CACNA1B: variants seen among roughly 807,000 people sequenced by gnomAD.
The protein encoded by CACNA1B is calcium voltage-gated channel subunit alpha1 B.
Under a neutral mutation model 247.2 loss-of-function variants are expected in CACNA1B, and 70 were observed. The observed-to-expected ratio is 0.28, with a 90% CI of 0.23 to 0.35. CACNA1B has a LOEUF of 0.35. Ranked by LOEUF, CACNA1B falls within the 10% of genes least tolerant of loss-of-function variation. CACNA1B has a pLI of 1.00. For synonymous variants in CACNA1B, 1,231 were observed against 1,294.4 expected, an observed-to-expected ratio of 0.95 and a Z score of 1.05; for missense variants, 2,367 against 3,197.4, an observed-to-expected ratio of 0.74 and a Z score of 6.26.
At chr9:137,912,611 G>T (rs1957370612) in intron 3 of CACNA1B, among the ~76,000 whole-genome samples, 1 of 152,262 alleles carries the variant, frequency 6.6e-6, no homozygotes, top group Admixed American at 6.5e-5. Flanking sequence ...GGAGATACTG[G>T]GATATGTTTT....
At position 138,052,164 on chromosome 9, in the gene CACNA1B, C is replaced by G. The variant is rs1490576683; in HGVS notation, c.3783C>G (p.Thr1261=). The G allele has an allele frequency of 6.2e-7, 1 of 1,609,878 alleles. No homozygotes were observed. Among genetic ancestry groups the G allele is most frequent in the African/African-American group, 1.3e-5 (1 of 74,822 alleles). The part of the protein sequence containing the change: ...RVLRVLRPLK[T]IKRLPKLKAV... Reference sequence around the variant, plus strand: ...TTCGTGTCCTGCGGCCCCTCAAGACCATCAAACGGCTGCCCAAGCTCAAGG... The same window carrying G: ...TTCGTGTCCTGCGGCCCCTCAAGACGATCAAACGGCTGCCCAAGCTCAAGG... The change falls in exon 25 of 47, where the codon ACC becomes ACG. Residue 1261 remains threonine, a synonymous_variant. Coordinates refer to ENST00000371372, the MANE Select transcript of CACNA1B (RefSeq NM_000718.4). The surrounding 1 kb of genome is among the most constrained non-coding windows in gnomAD (Gnocchi z 5.1).
chr9:138,119,195 C>A (rs1460952126), intron 44 of CACNA1B, among the ~76,000 whole-genome samples: 2 of 152,136 alleles, frequency 1.3e-5, no homozygotes, highest in Non-Finnish European at 2.9e-5. Flanking sequence ...CTGCGGAGGA[C>A]CCTCCCTGCT....
intron 3 of CACNA1B, among the ~76,000 whole-genome samples, chr9:137,886,522 T>C (rs909528134): frequency 4.0e-5 from 6 of 151,142 alleles, no homozygotes; most frequent in Admixed American, 6.6e-5. Context: ...TCAGTGTTCA[T>C]GGAGCCTCTG....
Position 138,052,802 on chromosome 9 carries a change from G to A in CACNA1B, c.3807+614G>A, listed in dbSNP as rs1343702308. 6.6e-6 allele frequency among the ~76,000 whole-genome samples: 1 copy of A among 152,224 alleles called. No homozygotes were observed. Among genetic ancestry groups the A allele is most frequent in the Non-Finnish European group, 1.5e-5 (1 of 68,046 alleles). On this transcript the variant is annotated intron_variant, in intron 25 of 46. Transcript: ENST00000371372. The surrounding 1 kb of genome is among the most constrained non-coding windows in gnomAD (Gnocchi z 5.1). ...AGTGGGCTGGCAGGCAGCTGGGGAA[G>A]GCGTCGGAGGCCCACTGGGTCCAGG...
At chr9:138,109,972 T>G (rs962837223) in intron 39 of CACNA1B, among the ~76,000 whole-genome samples, 3 of 152,062 alleles carry the variant, frequency 2.0e-5, no homozygotes, top group Admixed American at 6.6e-5. Context: ...GAAAATTGCT[T>G]GAACCTGGGA....
At chr9:138,113,467 C>T (rs1432253664) in intron 40 of CACNA1B, among the ~76,000 whole-genome samples, 5 of 150,672 alleles carry the variant, frequency 3.3e-5, no homozygotes, top group Admixed American at 6.6e-5. Flanking sequence ...TGAGGGAGCG[C>T]GAGGAGGTGC....
At chr9:138,048,623 A>C (rs1474354023) in intron 23 of CACNA1B, among the ~76,000 whole-genome samples, 3 of 152,200 alleles carry the variant, frequency 2.0e-5, no homozygotes, top group South Asian at 2.1e-4. Context: ...GTGTGCACTC[A>C]GCCACACTGA....
At chr9:138,004,456 G>A (rs1233855970) in intron 15 of CACNA1B, among the ~76,000 whole-genome samples, 1 of 151,272 alleles carries the variant, frequency 6.6e-6, no homozygotes, top group East Asian at 2.0e-4. Context: ...AGGCTGAGGT[G>A]TGAGGATTGA....
intron 3 of CACNA1B, among the ~76,000 whole-genome samples, chr9:137,902,954 G>C (rs1020708340): frequency 2.0e-5 from 3 of 152,234 alleles, no homozygotes; most frequent in Non-Finnish European, 4.4e-5. Context: ...GATTCCTCTT[G>C]TCAAGCATTT....
At chr9:137,934,110 C>CT (rs1199911731) in intron 6 of CACNA1B, among the ~76,000 whole-genome samples, 5 of 152,290 alleles carry the variant, frequency 3.3e-5, no homozygotes, top group Non-Finnish European at 7.4e-5. Flanking sequence ...GCAACAAAGA[C>CT]ACCAAGGAAA....
Position 138,045,898 on chromosome 9 carries a change from G to A in CACNA1B, c.3414-1006G>A, listed in dbSNP as rs191689182. 1.8e-3 allele frequency among the ~76,000 whole-genome samples: 270 copies of A among 152,258 alleles called. 1 individual carries two copies. Among genetic ancestry groups the A allele is most frequent in the African/African-American group, 5.6e-3 (233 of 41,552 alleles). On this transcript the variant is annotated intron_variant, in intron 21 of 46. Transcript: ENST00000371372. ...TAAGATGAATGGCCCTTGGGGGTTC[G>A]CAGGTGTGGGTGAGAGGAAGAGCTT...
chr9:137,901,128 CTGTG>C (rs1456004478), intron 3 of CACNA1B, among the ~76,000 whole-genome samples: 24 of 148,874 alleles, frequency 1.6e-4, no homozygotes, highest in Admixed American at 1.5e-3. Context: ...TGTGTCTGTG[CTGTG>C]TGTCTCTGTG....
At chr9:138,061,272 G>T (rs1008131713) in intron 31 of CACNA1B, among the ~76,000 whole-genome samples, 7 of 152,284 alleles carry the variant, frequency 4.6e-5, no homozygotes, top group African/African-American at 1.7e-4. Context: ...GGCCACCATG[G>T]CTTTGGTGTT....
intron 3 of CACNA1B, among the ~76,000 whole-genome samples, chr9:137,886,681 C>T (rs1283389325): frequency 1.6e-4 from 24 of 151,132 alleles, no homozygotes; most frequent in Non-Finnish European, 2.8e-4. Context: ...GAGCAGTCGG[C>T]GGGTGGACGG....
chr9:138,020,683 C>G lies in CACNA1B; in HGVS notation c.2268-2328C>G, dbSNP rs369335700. The stretch of plus-strand genomic sequence containing the variant: ...TGGGGCTGCGGGGGGCGGGCAGGTG[C>G]CCTAGCGTAGGCTGCTCAGCATGTT... On this transcript the variant is annotated intron_variant, in intron 18 of 46. Transcript: ENST00000371372. The surrounding 1 kb of genome is among the most constrained non-coding windows in gnomAD (Gnocchi z 4.1). Among the ~76,000 whole-genome samples, 3 of 152,114 alleles carry G rather than the reference C, an allele frequency of 2.0e-5. No individual in the cohort carries two copies. Among genetic ancestry groups the G allele is most frequent in the Non-Finnish European group, 4.4e-5 (3 of 68,002 alleles).
In CACNA1B at chr9:138,012,958, GTCGTGGGGGGCCACAT is replaced by G. The variant is rs1958743473; in HGVS notation, c.2161-168_2161-153del. ...ACCAGAGACAGCTCCTGTGGAACAG[GTCGTGGGGGGCCACAT>G]TCACTCAGGGGTTGGCTGCCTGTCT... On this transcript the variant is annotated intron_variant, in intron 17 of 46. Coordinates refer to ENST00000371372, the MANE Select transcript of CACNA1B (RefSeq NM_000718.4). The surrounding 1 kb of genome is among the most constrained non-coding windows in gnomAD (Gnocchi z 4.2). Among the ~76,000 whole-genome samples, 1 of 152,114 alleles carries G rather than the reference GTCGTGGGGGGCCACAT, an allele frequency of 6.6e-6. No homozygotes were observed. The highest frequency in any genetic ancestry group is 1.5e-5 in the Non-Finnish European group (1 of 68,030).
intron 20 of CACNA1B, chr9:138,040,431 A>T (rs1052683503): frequency 3.2e-5 from 5 of 155,768 alleles, no homozygotes; most frequent in Admixed American, 1.9e-4. Flanking sequence ...TCTTAGAGAG[A>T]CAGAACTAAT....
chr9:138,050,355 G>A lies in CACNA1B; in HGVS notation c.3710+1040G>A, dbSNP rs1261696327. 6.6e-6 allele frequency among the ~76,000 whole-genome samples: 1 copy of A among 152,160 alleles called. No individual in the cohort carries two copies. The highest frequency in any genetic ancestry group is 2.4e-5 in the African/African-American group (1 of 41,446). ...TCACCAGCGAGGGCTGGAGGCTGGG[G>A]CCATTGGCCTGGAGGGCAGCAAGGG... On this transcript the variant is annotated intron_variant, in intron 24 of 46. Transcript: ENST00000371372. The surrounding 1 kb of genome is among the most constrained non-coding windows in gnomAD (Gnocchi z 5.2).
rs1407482102 is a variant in CACNA1B at position 138,072,293 on chromosome 9, G to A, written c.4675-1195G>A. Reference sequence around the variant, plus strand: ...CTGCCAGTGGAAGTGGCAGACCTAGGCAGAGGTGTCCTCAGTACGGGTTGG... The same window carrying A: ...CTGCCAGTGGAAGTGGCAGACCTAGACAGAGGTGTCCTCAGTACGGGTTGG... On this transcript the variant is annotated intron_variant, in intron 32 of 46. Coordinates refer to ENST00000371372, the MANE Select transcript of CACNA1B (RefSeq NM_000718.4). This position sits in a 1 kb window ranked among gnomAD's most constrained non-coding sequence, Gnocchi z 4.5. 2.6e-5 allele frequency among the ~76,000 whole-genome samples: 4 copies of A among 152,184 alleles called. No homozygotes were observed. The highest frequency in any genetic ancestry group is 7.2e-5 in the African/African-American group (3 of 41,436).
Sources: allele counts gnomAD v4.1 joint callset (sites outside exome capture counted in the v4.1 genomes callset), GRCh38; gene constraint gnomAD v4.1.1; non-coding constraint Gnocchi (gnomAD v3.1); transcripts MANE v1.5; gene names NCBI Gene and HGNC (gene_info 2026-07-23, HGNC 2026-07-21).